The following CNTNAP2 variants were observed in gnomAD, a reference collection of about 807,000 sequenced individuals.
CNTNAP2 encodes contactin-associated protein-like 2.
A neutral mutation model predicts 155.2 loss-of-function variants in CNTNAP2; 98 were observed. The ratio of observed to expected loss-of-function variants is 0.63; its 90% CI spans 0.54 to 0.75. The LOEUF (loss-of-function observed/expected upper bound fraction) is 0.75. Among genes scored for constraint, CNTNAP2 ranks in the 30% least tolerant of loss-of-function variants. The pLI is 0.00. For synonymous variants in CNTNAP2, 651 were observed against 631.2 expected (o/e 1.03, Z -0.47); for missense variants, 1,727 against 1,688.1 (o/e 1.02, Z -0.40).
intron 4 of CNTNAP2, among the ~76,000 whole-genome samples, chr7:147,059,987 T>G (rs569986660): frequency 2.6e-5 from 4 of 152,280 alleles, no homozygotes; most frequent in Admixed American, 6.5e-5. Context: ...GATATTGTGC[T>G]AAGTTCCTTA....
At chr7:147,594,228 C>T (rs573104829) in intron 12 of CNTNAP2, among the ~76,000 whole-genome samples, 160 of 147,784 alleles carry the variant, frequency 1.1e-3, no homozygotes, top group African/African-American at 3.4e-3. Context: ...CCGGGTTAAG[C>T]GACTACCCTG....
intron 2 of CNTNAP2, among the ~76,000 whole-genome samples, chr7:146,789,385 T>C (rs974762146): frequency 6.6e-6 from 1 of 152,190 alleles, no homozygotes; most frequent in Non-Finnish European, 1.5e-5. Flanking sequence ...GAAGCGTATA[T>C]TGAGTAGATT....
chr7:147,668,698 G>T (rs547618636), intron 13 of CNTNAP2, among the ~76,000 whole-genome samples: 15 of 152,242 alleles, frequency 9.9e-5, no homozygotes, highest in Admixed American at 3.3e-4. Flanking sequence ...ACGGCTGTTT[G>T]TGTTTCAAGC....
intron 10 of CNTNAP2, among the ~76,000 whole-genome samples, chr7:147,475,584 A>G (rs893229179): frequency 2.2e-4 from 33 of 152,204 alleles, no homozygotes; most frequent in African/African-American, 7.7e-4. Context: ...ACCATATTAA[A>G]ATATGCTTAC....
chr7:147,530,525 C>G (rs1261661639), intron 11 of CNTNAP2, among the ~76,000 whole-genome samples: 1 of 152,096 alleles, frequency 6.6e-6, no homozygotes, highest in Non-Finnish European at 1.5e-5. Context: ...GAAGAAGAAG[C>G]AAAAGCAGAA....
chr7:146,579,666 T>C (rs919518998), intron 1 of CNTNAP2, among the ~76,000 whole-genome samples: 1 of 152,100 alleles, frequency 6.6e-6, no homozygotes, highest in Non-Finnish European at 1.5e-5. Flanking sequence ...ACAAATTTGG[T>C]TCCAGGAAAA....
intron 2 of CNTNAP2, among the ~76,000 whole-genome samples, chr7:146,810,570 T>G (rs1024998015): frequency 6.6e-6 from 1 of 152,102 alleles, no homozygotes. Flanking sequence ...GTATATGGTA[T>G]TATGTCCTCC....
intron 14 of CNTNAP2, among the ~76,000 whole-genome samples, chr7:147,961,175 C>T (rs1371263993): frequency 6.6e-6 from 1 of 152,104 alleles, no homozygotes; most frequent in Non-Finnish European, 1.5e-5. Context: ...CCTGTCCTAA[C>T]TTCTATCTCC....
At chr7:146,507,342 G>T (rs1275512386) in intron 1 of CNTNAP2, among the ~76,000 whole-genome samples, 1 of 152,174 alleles carries the variant, frequency 6.6e-6, no homozygotes, top group East Asian at 1.9e-4. Flanking sequence ...ACCTTCTGTG[G>T]TCACATGCAC....
chr7:147,096,996 T>G (rs1355445642), intron 4 of CNTNAP2, among the ~76,000 whole-genome samples: 1 of 152,170 alleles, frequency 6.6e-6, no homozygotes, highest in African/African-American at 2.4e-5. Flanking sequence ...TGAGGTAAAA[T>G]TTTCACCCAA....
chr7:147,603,254 T>C (rs549745757), intron 12 of CNTNAP2, among the ~76,000 whole-genome samples: 2,735 of 152,234 alleles, frequency 0.018, 83 homozygotes, highest in African/African-American at 0.063. Flanking sequence ...GAGCATTTTT[T>C]CATGTGTTTT....
chr7:146,720,304 C>G (rs537677974), intron 1 of CNTNAP2, among the ~76,000 whole-genome samples: 1 of 152,074 alleles, frequency 6.6e-6, no homozygotes. Context: ...AGTAGTACCT[C>G]TTTACTGGCT....
At chr7:146,253,350 T>C (rs879220789) in intron 1 of CNTNAP2, among the ~76,000 whole-genome samples, 2 of 152,218 alleles carry the variant, frequency 1.3e-5, no homozygotes, top group Admixed American at 6.5e-5. Context: ...TGCCACCTGC[T>C]CTAGGAAGGT....
intron 1 of CNTNAP2, among the ~76,000 whole-genome samples, chr7:146,670,544 C>T (rs1800285024): frequency 6.6e-6 from 1 of 152,194 alleles, no homozygotes. Context: ...TATACTTTAA[C>T]TGCTTTATTT....
intron 20 of CNTNAP2, among the ~76,000 whole-genome samples, chr7:148,253,101 C>T (rs989256092): frequency 6.8e-6 from 1 of 146,526 alleles, no homozygotes; most frequent in East Asian, 2.0e-4. Flanking sequence ...AAAACTGTAA[C>T]CCCAGTTTTG....
In CNTNAP2 at chr7:147,864,209, G is replaced by C. The variant is rs538785947; in HGVS notation, c.2099-39356G>C. On this transcript the variant is annotated intron_variant, in intron 13 of 23. Coordinates refer to ENST00000361727, the MANE Select transcript of CNTNAP2 (RefSeq NM_014141.6). The stretch of plus-strand genomic sequence containing the variant: ...AATCCTTTCCCCATTTCTTGTTTTT[G>C]TCAGGTTTGTCAAAGATCCAATGGT... Among the ~76,000 whole-genome samples the C allele has an allele frequency of 3.1e-4, 47 of 152,146 alleles. No individual in the cohort carries two copies. In the East Asian group the frequency reaches 9.1e-3, roughly 29 times the overall value.
At position 146,968,242 on chromosome 7, in the gene CNTNAP2, G is replaced by A. The variant is rs1302697497; in HGVS notation, c.403-75665G>A. On this transcript the variant is annotated intron_variant, in intron 3 of 23. Coordinates refer to ENST00000361727, the MANE Select transcript of CNTNAP2 (RefSeq NM_014141.6). ...TTTTATTGCGGATTTTTGCATCAAT[G>A]TTCATCAAGGATATTGGTCTAAAAT... Among the ~76,000 whole-genome samples, 4 of 152,170 alleles carry A rather than the reference G, an allele frequency of 2.6e-5. No homozygotes were observed. In the East Asian group the frequency reaches 7.7e-4, roughly 29 times the overall value.
chr7:146,720,472 C>T (rs1563202506), intron 1 of CNTNAP2, among the ~76,000 whole-genome samples: 1 of 152,030 alleles, frequency 6.6e-6, no homozygotes, highest in Non-Finnish European at 1.5e-5. Flanking sequence ...CTGAGGCTGA[C>T]CTAAATCAAT....
chr7:148,159,007 A>G (rs929410456), intron 17 of CNTNAP2, among the ~76,000 whole-genome samples: 2 of 152,152 alleles, frequency 1.3e-5, no homozygotes, highest in African/African-American at 4.8e-5. Context: ...CCCACAGTAC[A>G]CTATGAGCGT....
Sources: gnomAD v4.1 joint callset for allele counts (sites outside exome capture counted in the v4.1 genomes callset) on GRCh38, gnomAD v4.1.1 for gene constraint, MANE v1.5 for transcripts, NCBI Gene and HGNC (gene_info 2026-07-23, HGNC 2026-07-21) for gene names.